FIGN: variants seen among roughly 807,000 people sequenced by gnomAD.
The protein encoded by FIGN is fidgetin, microtubule severing factor.
A neutral mutation model predicts 51.3 loss-of-function variants in FIGN; 11 were observed. That is an observed-to-expected ratio of 0.21 (90% CI 0.13 to 0.35). The LOEUF (loss-of-function observed/expected upper bound fraction) is 0.35. Among genes scored for constraint, FIGN ranks in the 10% least tolerant of loss-of-function variants. FIGN has a pLI of 1.00. For missense variants in FIGN, 857 were observed against 943.6 expected, an observed-to-expected ratio of 0.91 and a Z score of 1.20; for synonymous variants, 407 against 363.2, an observed-to-expected ratio of 1.12 and a Z score of -1.37.
chr2:163,681,370 C>CAAAA (rs1238627821), intron 2 of FIGN, among the ~76,000 whole-genome samples: 7 of 152,126 alleles, frequency 4.6e-5, no homozygotes, highest in Non-Finnish European at 1.0e-4. Flanking sequence ...CACAACTTTT[C>CAAAA]TCTCTACTTT....
At chr2:163,677,769 T>G (rs371090036) in intron 2 of FIGN, among the ~76,000 whole-genome samples, 6 of 152,334 alleles carry the variant, frequency 3.9e-5, no homozygotes, top group East Asian at 1.9e-4. Context: ...TCAGAAAGCC[T>G]GACACTGTTG....
chr2:163,671,614 G>T (rs923654833), intron 2 of FIGN, among the ~76,000 whole-genome samples: 1 of 152,060 alleles, frequency 6.6e-6, no homozygotes, highest in East Asian at 1.9e-4. Context: ...TTAAAAAATT[G>T]ATTACCCATA....
Position 163,711,939 on chromosome 2 carries a change from C to T in FIGN, c.25+22964G>A, listed in dbSNP as rs190965384. On this transcript the variant is annotated intron_variant, in intron 2 of 2. Transcript: ENST00000333129. ...TGGATATCTCCCCCTGCCCCTCCCT[C>T]GCTCTCTGGAATAAGCATGAAAGCT... 4.5e-3 allele frequency among the ~76,000 whole-genome samples: 679 copies of T among 152,208 alleles called. 6 individuals carry two copies. Among genetic ancestry groups the T allele is most frequent in the African/African-American group, 0.015 (637 of 41,520 alleles).
Position 163,605,328 on chromosome 2 carries a change from G to A in FIGN, c.*4224C>T, listed in dbSNP as rs1691083979. On this transcript the variant is annotated 3_prime_UTR_variant, in exon 3 of 3. Coordinates refer to ENST00000333129, the MANE Select transcript of FIGN (RefSeq NM_018086.4). ...TAGCAAAGTGTGAGCTTCAGTTCAT[G>A]TGTTGGTTAGTCACAAGTACAGCTG... The A allele has an allele frequency of 6.6e-6, 1 of 152,074 alleles. No individual in the cohort carries two copies. The highest frequency in any genetic ancestry group is 1.5e-5 in the Non-Finnish European group (1 of 67,992). The allele number at this position is 152,074 out of a possible 1,614,324, so 9.4% of individuals were successfully genotyped here.
At chr2:163,675,678 A>ACTTGAATG (rs1683947124) in intron 2 of FIGN, among the ~76,000 whole-genome samples, 1 of 122,818 alleles carries the variant, frequency 8.1e-6, no homozygotes, top group South Asian at 2.7e-4. Flanking sequence ...AAGTCCCTTT[A>ACTTGAATG]CTTGAATGTC....
intron 2 of FIGN, among the ~76,000 whole-genome samples, chr2:163,641,322 A>G (rs1683302659): frequency 6.6e-6 from 1 of 152,314 alleles, no homozygotes; most frequent in East Asian, 1.9e-4. Context: ...TTTGTATTTG[A>G]CTTATTTCAG....
At chr2:163,675,706 C>CTTTTTTTTTTTTTTTTTTTTTTTT (rs900840520) in intron 2 of FIGN, among the ~76,000 whole-genome samples, 2 of 100,514 alleles carry the variant, frequency 2.0e-5, no homozygotes, top group African/African-American at 3.7e-5. Flanking sequence ...TTCTTTCTTT[C>CTTTTTTTTTTTTTTTTTTTTTTTT]TTTTTTTTTT....
intron 2 of FIGN, among the ~76,000 whole-genome samples, chr2:163,645,474 C>T (rs1212090122): frequency 1.3e-5 from 2 of 152,066 alleles, no homozygotes; most frequent in Non-Finnish European, 2.9e-5. Context: ...CTGAAAGCAG[C>T]CCAGTAAATT....
At chr2:163,626,170 T>C (rs1683050995) in intron 2 of FIGN, among the ~76,000 whole-genome samples, 1 of 152,170 alleles carries the variant, frequency 6.6e-6, no homozygotes. Flanking sequence ...ATGCACTTCT[T>C]TGAATTACAA....
intron 2 of FIGN, among the ~76,000 whole-genome samples, chr2:163,676,270 C>A (rs77018310): frequency 0.031 from 4,603 of 150,692 alleles, 290 homozygotes; most frequent in East Asian, 0.29. Context: ...AGACCCAGTG[C>A]CTAGATGGAA....
chr2:163,631,074 T>C (rs1488193464), intron 2 of FIGN, among the ~76,000 whole-genome samples: 1 of 152,182 alleles, frequency 6.6e-6, no homozygotes, highest in African/African-American at 2.4e-5. Context: ...GGAGAGTTAT[T>C]CTAGGAGGGC....
chr2:163,708,942 A>G (rs1684544568), intron 2 of FIGN, among the ~76,000 whole-genome samples: 1 of 152,332 alleles, frequency 6.6e-6, no homozygotes, highest in African/African-American at 2.4e-5. Flanking sequence ...TCACAACGAT[A>G]TAGAAAGTTT....
chr2:163,618,591 T>C (rs564258686), intron 2 of FIGN, among the ~76,000 whole-genome samples: 12 of 152,090 alleles, frequency 7.9e-5, no homozygotes, highest in Non-Finnish European at 1.3e-4. Context: ...CTCGACTTTA[T>C]GTTTTAAAAG....
chr2:163,709,089 G>T (rs1278619773), intron 2 of FIGN, among the ~76,000 whole-genome samples: 1 of 152,004 alleles, frequency 6.6e-6, no homozygotes, highest in African/African-American at 2.4e-5. Context: ...CCATAATGAG[G>T]ACTCAGATGG....
chr2:163,619,940 T>C (rs1220657851), intron 2 of FIGN, among the ~76,000 whole-genome samples: 1 of 152,104 alleles, frequency 6.6e-6, no homozygotes, highest in African/African-American at 2.4e-5. Context: ...TTTGTAAATG[T>C]TTCTGTGTAA....
At position 163,610,070 on chromosome 2, in the gene FIGN, C is replaced by G. The variant is rs1691204136; in HGVS notation, c.1762G>C (p.Asp588His). Residue 588 changes from aspartate (D) to histidine (H), a missense_variant, in exon 3 of 3, where the codon GAC (aspartate) becomes CAC (histidine). Asp to His is a moderately conservative substitution (Grantham distance 81). This residue lies in a region of FIGN where 799 missense variants were observed against 849.5 expected (regional missense o/e 0.94). Coordinates refer to ENST00000333129, the MANE Select transcript of FIGN (RefSeq NM_018086.4). ...TTCACTTGAGAGGAGAGAAGCATGT[C>G]AATGTCACTAACAAAAATCACCGAG... is the stretch of plus-strand genomic sequence containing the variant. ...QPSVIFVSDI[D>H]MLLSSQVNEE... The G allele has an allele frequency of 3.7e-6, 6 of 1,613,858 alleles. No individual in the cohort carries two copies. Among genetic ancestry groups the G allele is most frequent in the Non-Finnish European group, 5.1e-6 (6 of 1,179,900 alleles).
intron 2 of FIGN, among the ~76,000 whole-genome samples, chr2:163,625,513 C>G (rs1035380276): frequency 4.0e-5 from 6 of 151,754 alleles, no homozygotes; most frequent in African/African-American, 1.5e-4. Context: ...TTTATATGCA[C>G]TAAGGGTGGT....
chr2:163,602,630 T>G lies in FIGN; in HGVS notation c.*6922A>C, dbSNP rs1036116950. 6.6e-6 allele frequency: 1 copy of G among 152,132 alleles called. No individual in the cohort carries two copies. Among genetic ancestry groups the G allele is most frequent in the Non-Finnish European group, 1.5e-5 (1 of 68,000 alleles). 9.4% of individuals were successfully genotyped at this position (152,132 alleles called of 1,614,324 possible). A position where few individuals can be genotyped will look rare whatever the true frequency, so the allele number is the denominator to read the frequency against. On this transcript the variant is annotated 3_prime_UTR_variant, in exon 3 of 3. Transcript: ENST00000333129. ...CTGCAATTTTTTTAACTCAGAATTTTTTTTTATTTGAGGTATGCTTGTTCT... is the reference window on the plus strand; with the variant it reads ...CTGCAATTTTTTTAACTCAGAATTTGTTTTTATTTGAGGTATGCTTGTTCT...
chr2:163,729,095 T>A (rs954778878), intron 2 of FIGN, among the ~76,000 whole-genome samples: 3 of 152,200 alleles, frequency 2.0e-5, no homozygotes, highest in Admixed American at 1.3e-4. Flanking sequence ...CATTCTCAGA[T>A]GAGTTTACTC....
Sources: gnomAD v4.1 joint callset for allele counts (sites outside exome capture counted in the v4.1 genomes callset) on GRCh38, gnomAD v4.1.1 for gene constraint, gnomAD v4.1.1 regional missense constraint, MANE v1.5 for transcripts, NCBI Gene and HGNC (gene_info 2026-07-23, HGNC 2026-07-21) for gene names.